SORL1: variants seen among roughly 807,000 people sequenced by gnomAD.
The protein encoded by SORL1 is sortilin-related receptor.
A neutral mutation model predicts 273.7 loss-of-function variants in SORL1; 127 were observed. That is an observed-to-expected ratio of 0.46 (90% CI 0.40 to 0.54). The LOEUF (loss-of-function observed/expected upper bound fraction) is 0.54, where lower values mean the gene tolerates loss of function less well. Ranked by LOEUF, SORL1 falls within the 20% of genes least tolerant of loss-of-function variation. The pLI, the probability that SORL1 is intolerant of heterozygous loss-of-function variation, is 0.00. For synonymous variants in SORL1, 1,031 were observed against 1,067.4 expected (o/e 0.97, Z 0.66); for missense variants, 2,494 against 2,846.1 (o/e 0.88, Z 2.81).
At position 121,583,576 on chromosome 11, in the gene SORL1, C is replaced by T. The variant is rs1458542692; in HGVS notation, c.3699C>T (p.Val1233=). ...DCQDGSDEDP[V]NCEKKCNGFR... is the part of the protein sequence containing the mutation. ...AGGATGGTTCCGATGAGGATCCAGTCAACTGTGGTAAATGCAAATTCCCCA... is the reference window on the plus strand; with the variant it reads ...AGGATGGTTCCGATGAGGATCCAGTTAACTGTGGTAAATGCAAATTCCCCA... The change falls in exon 26 of 48, where the codon GTC becomes GTT. Residue 1233 remains valine, a synonymous_variant. Transcript: ENST00000260197. The T allele has an allele frequency of 1.2e-6, 2 of 1,607,672 alleles. No homozygotes were observed. The highest frequency in any genetic ancestry group is 1.7e-6 in the Non-Finnish European group (2 of 1,177,014).
At chr11:121,526,369 T>C (rs1314790444) in intron 11 of SORL1, among the ~76,000 whole-genome samples, 1 of 152,220 alleles carries the variant, frequency 6.6e-6, no homozygotes, top group African/African-American at 2.4e-5. Context: ...TCCAAAGCCT[T>C]ATAGTAAATG....
At chr11:121,584,750 C>G (rs925617200) in intron 26 of SORL1, among the ~76,000 whole-genome samples, 7 of 152,158 alleles carry the variant, frequency 4.6e-5, no homozygotes, top group African/African-American at 1.4e-4. Context: ...GGCCACCACG[C>G]CCAGCTAATT....
chr11:121,570,908 C>G (rs954179446), intron 23 of SORL1, among the ~76,000 whole-genome samples: 3 of 152,140 alleles, frequency 2.0e-5, no homozygotes, highest in African/African-American at 7.2e-5. Context: ...GTTTATTAAC[C>G]ATGAATTTTC....
intron 16 of SORL1, 70 bp from the exon 17 acceptor site, chr11:121,553,867 G>C: frequency 6.9e-7 from 1 of 1,444,894 alleles, no homozygotes; most frequent in Non-Finnish European, 9.5e-7. Context: ...GAAACAAATA[G>C]GTCAGATGTG....
In SORL1 at chr11:121,478,764, G is replaced by C. The variant is rs192473882; in HGVS notation, c.528+521G>C. Among the ~76,000 whole-genome samples the C allele has an allele frequency of 4.7e-3, 707 of 151,528 alleles. 8 individuals are homozygous for C. Among genetic ancestry groups the C allele is most frequent in the African/African-American group, 0.016 (676 of 41,294 alleles). ...TGTGCTTGTGTGCGTGTGAGTACTTGTGTGGATGTGCATGCTTGTGTGCGC... is the reference window on the plus strand; with the variant it reads ...TGTGCTTGTGTGCGTGTGAGTACTTCTGTGGATGTGCATGCTTGTGTGCGC... On this transcript the variant is annotated intron_variant, in intron 3 of 47. Coordinates refer to ENST00000260197, the MANE Select transcript of SORL1 (RefSeq NM_003105.6).
At chr11:121,625,409 T>C (rs1863781664) in intron 46 of SORL1, 132 bp downstream of exon 46, 3 of 745,294 alleles carry the variant, frequency 4.0e-6, no homozygotes. Flanking sequence ...ATCATTTATA[T>C]ATCAGTTTGG....
In SORL1 at chr11:121,543,520, A is replaced by T. The variant is rs755200777; in HGVS notation, c.1686-28A>T. On this transcript the variant is annotated intron_variant, in intron 12 of 47. Transcript: ENST00000260197. ...CCTTTGCCTTAGAGACTTTCACTGC[A>T]AGGATTCTCTTACTTGCATTTGGGC... The T allele has an allele frequency of 1.5e-5, 23 of 1,585,916 alleles. No individual in the cohort carries two copies. In the Admixed American group the frequency reaches 2.5e-4, roughly 17 times the overall value.
At chr11:121,481,686 C>T (rs1861390192) in intron 3 of SORL1, among the ~76,000 whole-genome samples, 3 of 126,274 alleles carry the variant, frequency 2.4e-5, no homozygotes, top group Admixed American at 2.3e-4. Flanking sequence ...CTCCCCAGCT[C>T]CTCCCCTAGT....
intron 25 of SORL1, 71 bp downstream of exon 25, chr11:121,577,471 G>A (rs1460407292): frequency 3.5e-6 from 5 of 1,417,910 alleles, no homozygotes; most frequent in Non-Finnish European, 4.7e-6. Flanking sequence ...AGCTTTAAAC[G>A]ATCGGAAAAT....
chr11:121,509,821 ATCT>A (rs1861848677), intron 6 of SORL1, among the ~76,000 whole-genome samples: 1 of 152,356 alleles, frequency 6.6e-6, no homozygotes, highest in African/African-American at 2.4e-5. Flanking sequence ...ATTAAAAAAA[ATCT>A]TCTTATAAAT....
At chr11:121,513,178 G>C in intron 7 of SORL1, 74 bp downstream of exon 7, 1 of 1,101,438 alleles carries the variant, frequency 9.1e-7, no homozygotes, top group Non-Finnish European at 1.4e-6. Context: ...GGTTGTTGCA[G>C]GGATGGCCTG....
intron 35 of SORL1, among the ~76,000 whole-genome samples, chr11:121,606,326 A>G (rs1863472337): frequency 1.3e-5 from 2 of 152,226 alleles, no homozygotes; most frequent in African/African-American, 4.8e-5. Context: ...GTCTGCTTGA[A>G]TGTCATCTTT....
At chr11:121,535,266 G>A (rs1220905941) in intron 12 of SORL1, among the ~76,000 whole-genome samples, 1 of 152,170 alleles carries the variant, frequency 6.6e-6, no homozygotes, top group African/African-American at 2.4e-5. Context: ...AGACACCAGA[G>A]ATGACCTAAT....
chr11:121,594,162 G>T (rs1442466898), intron 31 of SORL1, among the ~76,000 whole-genome samples: 10 of 150,600 alleles, frequency 6.6e-5, no homozygotes, highest in African/African-American at 2.4e-4. Flanking sequence ...CTAGAAGCTT[G>T]TAGAATCTTC....
chr11:121,555,866 A>G (rs1260344254), intron 18 of SORL1, among the ~76,000 whole-genome samples: 2 of 151,672 alleles, frequency 1.3e-5, no homozygotes, highest in East Asian at 3.9e-4. Context: ...TAAACTGCCA[A>G]ATCTTTGTCT....
intron 38 of SORL1, 151 bp from the exon 39 acceptor site, chr11:121,610,925 A>G: frequency 1.7e-6 from 1 of 579,504 alleles, no homozygotes; most frequent in Non-Finnish European, 3.1e-6. Flanking sequence ...AAACAGTGGT[A>G]AAAAAAGATC....
intron 6 of SORL1, among the ~76,000 whole-genome samples, chr11:121,510,223 T>C (rs1037476429): frequency 1.8e-4 from 28 of 152,380 alleles, no homozygotes; most frequent in Admixed American, 1.7e-3. Flanking sequence ...AGCATTTATA[T>C]CATGATCCAA....
intron 14 of SORL1, among the ~76,000 whole-genome samples, chr11:121,545,703 A>G (rs1236090119): frequency 2.0e-5 from 3 of 152,204 alleles, no homozygotes; most frequent in African/African-American, 7.2e-5. Flanking sequence ...ATTTATTTCT[A>G]TTAGGGTAAC....
At chr11:121,562,009 C>T (rs562501146) in intron 21 of SORL1, among the ~76,000 whole-genome samples, 40 of 152,234 alleles carry the variant, frequency 2.6e-4, no homozygotes, top group African/African-American at 9.1e-4. Context: ...CACCTCTTGG[C>T]CTTGAACTTG....
Sources: allele counts gnomAD v4.1 joint callset (sites outside exome capture counted in the v4.1 genomes callset), GRCh38; gene constraint gnomAD v4.1.1; transcripts MANE v1.5; gene names NCBI Gene and HGNC (gene_info 2026-07-23, HGNC 2026-07-21).